HEATR5B: variants seen among roughly 807,000 people sequenced by gnomAD.
HEATR5B encodes HEAT repeat-containing protein 5B.
Under a neutral mutation model 224.1 loss-of-function variants are expected in HEATR5B, and 156 were observed. That is an observed-to-expected ratio of 0.70 (90% CI 0.61 to 0.80). The LOEUF (loss-of-function observed/expected upper bound fraction) is 0.80. HEATR5B is among the 30% of genes least tolerant of loss of function. The pLI, the probability that HEATR5B is intolerant of heterozygous loss-of-function variation, is 0.00. For synonymous variants in HEATR5B, 1,027 were observed against 893.0 expected, an observed-to-expected ratio of 1.15 and a Z score of -2.68; for missense variants, 2,323 against 2,535.5, an observed-to-expected ratio of 0.92 and a Z score of 1.80.
chr2:36,981,388 A>G lies in HEATR5B; in HGVS notation c.*102T>C. On this transcript the variant is annotated 3_prime_UTR_variant, in exon 36 of 36. Transcript: ENST00000233099. ...TACTTGGAAGCACTATAATACCAATATACAAATAAAACAGAACCCATAGGT... is the reference window on the plus strand; with the variant it reads ...TACTTGGAAGCACTATAATACCAATGTACAAATAAAACAGAACCCATAGGT... The G allele has an allele frequency of 1.2e-6, 1 of 839,274 alleles. No individual in the cohort carries two copies. 52.0% of individuals were successfully genotyped at this position (839,274 alleles called of 1,614,324 possible). A position where few individuals can be genotyped will look rare whatever the true frequency, so the allele number is the denominator to read the frequency against.
intron 3 of HEATR5B, among the ~76,000 whole-genome samples, 164 bp from the exon 4 acceptor site, chr2:37,077,183 ATACTC>A (rs909189302): frequency 3.3e-5 from 5 of 152,216 alleles, no homozygotes; most frequent in East Asian, 1.9e-4. Flanking sequence ...AACAAATACT[ATACTC>A]TATTTACACT....
chr2:37,079,361 T>C (rs376795278), intron 2 of HEATR5B, 30 bp from the exon 3 acceptor site: 1 of 1,326,602 alleles, frequency 7.5e-7, no homozygotes, highest in Non-Finnish European at 1.0e-6. Flanking sequence ...TAAAAGAACA[T>C]CATTAAAAAT....
At chr2:37,038,616 A>G (rs181767065) in intron 20 of HEATR5B, among the ~76,000 whole-genome samples, 72 of 152,340 alleles carry the variant, frequency 4.7e-4, no homozygotes, top group Non-Finnish European at 8.5e-4. Context: ...CACAGGAAGA[A>G]CTATCCTCAC....
intron 3 of HEATR5B, 143 bp downstream of exon 3, chr2:37,078,977 C>G: frequency 2.0e-6 from 1 of 510,294 alleles, no homozygotes; most frequent in Middle Eastern, 5.2e-4. Context: ...CCCATCACAA[C>G]TCGATCCACT....
At chr2:37,027,772 A>C in intron 24 of HEATR5B, 151 bp downstream of exon 24, 1 of 777,390 alleles carries the variant, frequency 1.3e-6, no homozygotes, top group South Asian at 1.9e-5. Context: ...CAGAGGGGAC[A>C]GAAAACTAAG....
At chr2:37,050,563 A>G (rs979656846) in intron 17 of HEATR5B, among the ~76,000 whole-genome samples, 2 of 152,224 alleles carry the variant, frequency 1.3e-5, no homozygotes, top group Non-Finnish European at 2.9e-5. Flanking sequence ...CATTAAATGG[A>G]TTGGTTCTAT....
chr2:37,051,278 C>T (rs534738550), intron 17 of HEATR5B, among the ~76,000 whole-genome samples: 15 of 142,300 alleles, frequency 1.1e-4, no homozygotes, highest in African/African-American at 4.0e-4. Flanking sequence ...ATCGCTTGAA[C>T]CTGGGAGGTG....
chr2:37,057,428 G>A lies in HEATR5B; in HGVS notation c.2112C>T (p.Asp704=), dbSNP rs1353718667. The A allele has an allele frequency of 1.2e-6, 2 of 1,610,724 alleles. No individual in the cohort carries two copies. Among genetic ancestry groups the A allele is most frequent in the Admixed American group, 1.7e-5 (1 of 59,564 alleles). The change falls in exon 15 of 36, where the codon GAC becomes GAT. Residue 704 remains aspartate, a synonymous_variant. Transcript: ENST00000233099. The part of the protein sequence containing the change: ...RELVAEFTLT[D]NSANTTTSLL... ...GGGAAGTAGTTGTGTTGGCTGAGTT[G>A]TCAGTCAAAGTGAATTCCGCTACCA...
chr2:37,063,592 T>C (rs1055773400), intron 10 of HEATR5B, among the ~76,000 whole-genome samples: 2 of 151,864 alleles, frequency 1.3e-5, no homozygotes, highest in African/African-American at 4.8e-5. Context: ...TATGACAAAG[T>C]GAGAGGGAAG....
chr2:37,059,462 A>ATTTTTTTTTT (rs1287761202), intron 12 of HEATR5B, among the ~76,000 whole-genome samples: 1 of 93,908 alleles, frequency 1.1e-5, no homozygotes, highest in Non-Finnish European at 2.1e-5. Context: ...ATATATATAT[A>ATTTTTTTTTT]TATTTTTTTT....
intron 15 of HEATR5B, 102 bp from the exon 16 acceptor site, chr2:37,056,717 CA>C (rs1670934443): frequency 1.1e-6 from 1 of 951,818 alleles, no homozygotes; most frequent in Admixed American, 3.3e-5. Context: ...GGAGAAAAGG[CA>C]ACAAAAAAAG....
At chr2:37,049,034 A>G (rs1234210962) in intron 18 of HEATR5B, among the ~76,000 whole-genome samples, 1 of 152,152 alleles carries the variant, frequency 6.6e-6, no homozygotes, top group African/African-American at 2.4e-5. Context: ...CTTGATTTTT[A>G]ATTTCTCTAC....
intron 8 of HEATR5B, among the ~76,000 whole-genome samples, chr2:37,067,266 T>C (rs1467594855): frequency 2.6e-5 from 4 of 152,220 alleles, no homozygotes; most frequent in African/African-American, 9.6e-5. Flanking sequence ...GGATAGGTGC[T>C]GTATGCATCT....
chr2:37,082,075 T>TC, intron 2 of HEATR5B, among the ~76,000 whole-genome samples: 2 of 104,538 alleles, frequency 1.9e-5, no homozygotes, highest in Non-Finnish European at 1.9e-5. Flanking sequence ...TTTTTTTTTT[T>TC]TTTTTTTTTT....
At chr2:37,041,671 G>A (rs1669880764) in intron 18 of HEATR5B, among the ~76,000 whole-genome samples, 1 of 152,114 alleles carries the variant, frequency 6.6e-6, no homozygotes, top group Non-Finnish European at 1.5e-5. Flanking sequence ...GCTTGAGCCT[G>A]ACAGGTGAGG....
At chr2:37,070,061 C>T (rs1194054627) in intron 7 of HEATR5B, among the ~76,000 whole-genome samples, 169 bp downstream of exon 7, 1 of 152,104 alleles carries the variant, frequency 6.6e-6, no homozygotes. Context: ...CCACACCTGG[C>T]TAATTTTTTG....
At chr2:37,074,141 G>C (rs540703781) in intron 5 of HEATR5B, among the ~76,000 whole-genome samples, 1 of 152,046 alleles carries the variant, frequency 6.6e-6, no homozygotes, top group Admixed American at 6.5e-5. Context: ...CTAACACGGT[G>C]AAACCCCATC....
Position 37,065,920 on chromosome 2 carries a change from C to A in HEATR5B, c.1178-10G>T. On this transcript the variant is annotated splice_polypyrimidine_tract_variant and intron_variant, in intron 8 of 35. Coordinates refer to ENST00000233099, the MANE Select transcript of HEATR5B (RefSeq NM_019024.3). Reference sequence around the variant, plus strand: ...TCATTCACTACTGCTTCTGGAAACACAAAATCATGTCTTTGACATAGGAGA... The same window carrying A: ...TCATTCACTACTGCTTCTGGAAACAAAAAATCATGTCTTTGACATAGGAGA... The A allele has an allele frequency of 1.1e-5, 18 of 1,597,100 alleles. No individual in the cohort carries two copies. The highest frequency in any genetic ancestry group is 1.5e-5 in the Non-Finnish European group (17 of 1,167,056).
Position 36,990,750 on chromosome 2 carries a change from T to C in HEATR5B, c.5595A>G (p.Ala1865=), listed in dbSNP as rs1361204539. 3.1e-6 allele frequency: 5 copies of C among 1,610,724 alleles called. No homozygotes were observed. The highest frequency in any genetic ancestry group is 4.2e-6 in the Non-Finnish European group (5 of 1,177,738). Residue 1865 remains alanine, a synonymous_variant, in exon 34 of 36, where the codon GCA becomes GCG. Coordinates refer to ENST00000233099, the MANE Select transcript of HEATR5B (RefSeq NM_019024.3). The part of the protein sequence containing the change: ...PDEVSMLTAI[A]LFLWSASNEI... ...CATTACTAGCAGACCACAGGAAGAG[T>C]GCAATTGCTGTTAGCATGCTTACTT...
Sources: gnomAD v4.1 joint callset for allele counts (sites outside exome capture counted in the v4.1 genomes callset) on GRCh38, gnomAD v4.1.1 for gene constraint, MANE v1.5 for transcripts, NCBI Gene and HGNC (gene_info 2026-07-23, HGNC 2026-07-21) for gene names.